Variants in MTCL1 observed in about 807,000 individuals in gnomAD.
The protein encoded by MTCL1 is microtubule cross-linking factor 1.
A neutral mutation model predicts 141.4 loss-of-function variants in MTCL1; 79 were observed. That is an observed-to-expected ratio of 0.56 (90% CI 0.47 to 0.67). MTCL1 has a LOEUF of 0.67. Ranked by LOEUF, MTCL1 falls within the 30% of genes least tolerant of loss-of-function variation. MTCL1 has a pLI of 0.00. For synonymous variants in MTCL1, 914 were observed against 875.8 expected, an observed-to-expected ratio of 1.04 and a Z score of -0.77; for missense variants, 2,177 against 2,113.9, an observed-to-expected ratio of 1.03 and a Z score of -0.59.
At chr18:8,745,697 A>T (rs1278221797) in intron 4 of MTCL1, among the ~76,000 whole-genome samples, 3 of 152,242 alleles carry the variant, frequency 2.0e-5, no homozygotes, top group African/African-American at 7.2e-5. Flanking sequence ...GGATGTGCAC[A>T]TGTTCAACTT....
chr18:8,800,634 G>T lies in MTCL1; in HGVS notation c.2436+2343G>T, dbSNP rs561200298. The T allele has an allele frequency of 2.0e-5, 3 of 152,350 alleles. No individual in the cohort carries two copies. The South Asian group carries it at 6.2e-4, about 32-fold the overall frequency. The allele number at this position is 152,350 out of a possible 1,614,324, so 9.4% of individuals were successfully genotyped here. On this transcript the variant is annotated intron_variant, in intron 10 of 16. Transcript: ENST00000359865. Reference sequence around the variant, plus strand: ...AGCCATCCTGAAGAGCAGAGGCTGCGCACACGCAAGAGGGAATCTTACAGT... The same window carrying T: ...AGCCATCCTGAAGAGCAGAGGCTGCTCACACGCAAGAGGGAATCTTACAGT...
chr18:8,803,089 A>G (rs759478950), intron 10 of MTCL1, among the ~76,000 whole-genome samples: 3 of 152,110 alleles, frequency 2.0e-5, no homozygotes, highest in Non-Finnish European at 4.4e-5. Flanking sequence ...ACTCACTATC[A>G]TTAATTTCCC....
At chr18:8,803,630 G>A (rs1309628435) in intron 10 of MTCL1, among the ~76,000 whole-genome samples, 1 of 152,196 alleles carries the variant, frequency 6.6e-6, no homozygotes, top group Non-Finnish European at 1.5e-5. Flanking sequence ...CTTGAGGAAT[G>A]ATGATAACAG....
At chr18:8,778,773 G>A (rs1429628156) in intron 5 of MTCL1, among the ~76,000 whole-genome samples, 11 of 152,214 alleles carry the variant, frequency 7.2e-5, no homozygotes, top group East Asian at 3.8e-4. Flanking sequence ...CTGCCATCCC[G>A]TTGCTGGGTG....
chr18:8,786,113 C>CCA, intron 7 of MTCL1, 22 bp downstream of exon 6: 27 of 1,383,504 alleles, frequency 2.0e-5, no homozygotes, highest in Admixed American at 7.8e-5. Context: ...CAAGCAATCC[C>CCA]CCCCCCCCGC....
chr18:8,740,006 C>T (rs2096293963), intron 4 of MTCL1, among the ~76,000 whole-genome samples: 1 of 152,242 alleles, frequency 6.6e-6, no homozygotes, highest in South Asian at 2.1e-4. Flanking sequence ...GCTGGGATTA[C>T]AGGCGTGAGC....
chr18:8,714,990 G>A (rs1340301461), upstream of MTCL1, among the ~76,000 whole-genome samples: 1 of 151,998 alleles, frequency 6.6e-6, no homozygotes, highest in Non-Finnish European at 1.5e-5. Context: ...TAGAGACAGG[G>A]TTTCACTGTG....
chr18:8,817,917 A>G (rs2076711518), intron 12 of MTCL1, among the ~76,000 whole-genome samples: 1 of 152,192 alleles, frequency 6.6e-6, no homozygotes, highest in Non-Finnish European at 1.5e-5. Flanking sequence ...AGCAATGAGG[A>G]GGGATCAGAA....
chr18:8,717,199 TGACA>T (rs375217736), upstream of MTCL1, among the ~76,000 whole-genome samples: 511 of 152,152 alleles, frequency 3.4e-3, 3 homozygotes, highest in African/African-American at 0.011. Context: ...TTAGTGTAGG[TGACA>T]GACAGTAAGT....
At chr18:8,717,767 C>T (rs939265382) in intron 1 of MTCL1, 7 of 391,754 alleles carry the variant, frequency 1.8e-5, no homozygotes, top group African/African-American at 2.2e-5. Context: ...GAAATGACTC[C>T]TTGGGTTCCC....
intron 7 of MTCL1, among the ~76,000 whole-genome samples, chr18:8,788,313 T>G (rs1177633444): frequency 6.6e-6 from 1 of 152,134 alleles, no homozygotes; most frequent in African/African-American, 2.4e-5. Context: ...CGACTCTACC[T>G]GTGTGGATCC....
At chr18:8,758,845 C>G (rs1440638704) in intron 4 of MTCL1, among the ~76,000 whole-genome samples, 1 of 152,190 alleles carries the variant, frequency 6.6e-6, no homozygotes, top group Non-Finnish European at 1.5e-5. Context: ...AACCAGATGA[C>G]AAGATTCAAA....
At chr18:8,825,980 A>G (rs1177591786) in exon 15 of MTCL1, 1 of 1,598,498 alleles carries the variant, frequency 6.3e-7, no homozygotes, top group African/African-American at 1.3e-5. Flanking sequence ...CCAATTCCCG[A>G]GGAAGGTCGC....
At chr18:8,726,490 A>AGCGCGC (rs1419991318) in intron 4 of MTCL1, among the ~76,000 whole-genome samples, 2 of 113,300 alleles carry the variant, frequency 1.8e-5, no homozygotes, top group African/African-American at 8.0e-5. Context: ...AGAGAGAGAG[A>AGCGCGC]GAGAGCGCGC....
At chr18:8,804,160 T>A (rs1428930753) in intron 10 of MTCL1, among the ~76,000 whole-genome samples, 1 of 152,128 alleles carries the variant, frequency 6.6e-6, no homozygotes, top group Non-Finnish European at 1.5e-5. Context: ...AAAATGTATG[T>A]GATTATTCAG....
intron 1 of MTCL1, among the ~76,000 whole-genome samples, chr18:8,708,458 G>T (rs528687980): frequency 6.6e-6 from 1 of 152,254 alleles, no homozygotes; most frequent in East Asian, 1.9e-4. Context: ...GGTGGTGGTG[G>T]TATCATGATC....
chr18:8,797,294 T>C (rs964572863), intron 9 of MTCL1, among the ~76,000 whole-genome samples: 3 of 152,270 alleles, frequency 2.0e-5, no homozygotes, highest in Non-Finnish European at 4.4e-5. Flanking sequence ...GGATCTTTTC[T>C]AAGCTTCAGA....
intron 4 of MTCL1, among the ~76,000 whole-genome samples, chr18:8,726,514 C>G (rs149113753): frequency 2.3e-5 from 3 of 130,220 alleles, no homozygotes; most frequent in South Asian, 2.5e-4. Context: ...CGCGCAAGAG[C>G]GAGCGAGAGA....
intron 15 of MTCL1, among the ~76,000 whole-genome samples, chr18:8,827,830 A>G (rs191068678): frequency 1.3e-5 from 2 of 152,232 alleles, no homozygotes; most frequent in East Asian, 3.8e-4. Context: ...TAGGTTCTTG[A>G]TGGAATCCCA....
Sources: gnomAD v4.1 joint callset for allele counts (sites outside exome capture counted in the v4.1 genomes callset) on GRCh38, gnomAD v4.1.1 for gene constraint, MANE v1.5 for transcripts, NCBI Gene and HGNC (gene_info 2026-07-23, HGNC 2026-07-21) for gene names.